Variants in BMS1 observed in about 807,000 individuals in gnomAD.
The protein encoded by BMS1 is BMS1 ribosome biogenesis factor.
A neutral mutation model predicts 138.7 loss-of-function variants in BMS1; 53 were observed. The ratio of observed to expected loss-of-function variants is 0.38; its 90% confidence interval spans 0.31 to 0.48. The LOEUF (loss-of-function observed/expected upper bound fraction) is 0.48, where lower values mean the gene tolerates loss of function less well. BMS1 is among the 20% of genes least tolerant of loss of function. The probability of loss-of-function intolerance (pLI) is 0.97; values close to 1 mark genes in which losing one functional copy is unlikely to be tolerated. For synonymous variants in BMS1, 504 were observed against 539.9 expected, an observed-to-expected ratio of 0.93 and a Z score of 0.92; for missense variants, 1,360 against 1,565.5, an observed-to-expected ratio of 0.87 and a Z score of 2.22.
Position 42,797,219 on chromosome 10 carries a change from A to G in BMS1, c.1975A>G (p.Lys659Glu). The G allele has an allele frequency of 6.2e-7, 1 of 1,603,524 alleles. No homozygotes were observed. Among genetic ancestry groups the G allele is most frequent in the Non-Finnish European group, 8.5e-7 (1 of 1,175,434 alleles). ...EDYKEENNDS[K>E]ETSGALKWKE... ...TTACAAGGAAGAAAATAATGATTCC[A>G]AAGAAACGTCAGGTAAGCTTAAATG... The change falls in exon 10 of 23, where the codon AAA becomes GAA. Residue 659 changes from lysine to glutamate, a missense_variant. Lys to Glu is a moderately conservative substitution (Grantham distance 56). This residue lies in a region of BMS1 where 697 missense variants were observed against 686.2 expected (regional missense o/e 1.02). Transcript: ENST00000374518.
At chr10:42,814,614 T>C (rs7895230) in intron 13 of BMS1, among the ~76,000 whole-genome samples, 2 of 152,106 alleles carry the variant, frequency 1.3e-5, no homozygotes, top group African/African-American at 4.8e-5. Context: ...TCCTCCTATT[T>C]GGGTTTAGTC....
At position 42,785,657 on chromosome 10, in the gene BMS1, G is replaced by C; in HGVS notation, c.352G>C (p.Val118Leu). 6.2e-7 allele frequency: 1 copy of C among 1,613,790 alleles called. No homozygotes were observed. The highest frequency in any genetic ancestry group is 2.2e-5 in the East Asian group (1 of 44,876). ...GAAGTTGACTGAGATCAGAGGCCCT[G>C]TGACGATTGTGTCAGGTAGGAGATG... Reference protein sequence around the residue: ...RQKLTEIRGPVTIVSGKKRRL... With the variant: ...RQKLTEIRGPLTIVSGKKRRL... Residue 118 changes from valine to leucine, a missense_variant, in exon 3 of 23, where the codon GTG becomes CTG. This residue lies in a region of BMS1 where 238 missense variants were observed against 311.1 expected (regional missense o/e 0.77). Transcript: ENST00000374518.
Position 42,796,674 on chromosome 10 carries a change from A to G in BMS1, c.1430A>G (p.Tyr477Cys). 1.9e-6 allele frequency: 3 copies of G among 1,614,222 alleles called. No homozygotes were observed. Among genetic ancestry groups the G allele is most frequent in the Non-Finnish European group, 1.7e-6 (2 of 1,180,046 alleles). Residue 477 changes from tyrosine (Y) to cysteine (C), a missense_variant, in exon 10 of 23, where the codon TAT becomes TGT. Physicochemically the swap from Tyr to Cys is radical, Grantham distance 194 (BLOSUM62 -2). Transcript: ENST00000374518. The stretch of plus-strand genomic sequence containing the variant: ...GAAAATGCTGAGATGACTGATCAGT[A>G]TATGGCTGTTAAGGGCATCAAACGA... ...EEENAEMTDQ[Y>C]MAVKGIKRRK...
rs1841588857 is a variant in BMS1, at chr10:42,793,835, C to T, written c.1090-17C>T. On this transcript the variant is annotated splice_polypyrimidine_tract_variant and intron_variant, in intron 8 of 22. Coordinates refer to ENST00000374518, the MANE Select transcript of BMS1 (RefSeq NM_014753.4). ...TTTGTGCTTTCCTCACGTGCCCTTT[C>T]TTGGTGGTCTTGACAGGATGAAGTG... The T allele has an allele frequency of 6.2e-7, 1 of 1,600,240 alleles. No homozygotes were observed. Among genetic ancestry groups the T allele is most frequent in the African/African-American group, 1.4e-5 (1 of 73,812 alleles).
chr10:42,814,700 G>C (rs1173705679), intron 13 of BMS1, among the ~76,000 whole-genome samples: 2 of 152,102 alleles, frequency 1.3e-5, no homozygotes, highest in East Asian at 3.9e-4. Context: ...TGTTATTTTG[G>C]TCTGTTTGGC....
At chr10:42,827,212 C>T (rs1461570224) in intron 21 of BMS1, among the ~76,000 whole-genome samples, 1 of 152,148 alleles carries the variant, frequency 6.6e-6, no homozygotes, top group Non-Finnish European at 1.5e-5. Flanking sequence ...TCCACTTTCC[C>T]CATGAGGTGA....
chr10:42,829,833 C>G (rs1471706784), intron 21 of BMS1, among the ~76,000 whole-genome samples: 1 of 122,944 alleles, frequency 8.1e-6, no homozygotes, highest in African/African-American at 3.6e-5. Flanking sequence ...AAAAACAAAA[C>G]AAAACAAAAA....
At chr10:42,794,583 CT>C (rs761338546) in intron 9 of BMS1, among the ~76,000 whole-genome samples, 51 of 150,584 alleles carry the variant, frequency 3.4e-4, no homozygotes, top group Middle Eastern at 3.4e-3. Context: ...TGTGCATAAA[CT>C]ACCTAGCAGA....
Position 42,833,339 on chromosome 10 carries a change from C to A in BMS1, c.*2243C>A, listed in dbSNP as rs746787178. ...GTAGAATTTTTATTGGTGAAGGTTC[C>A]ACCTGGCCAGGTTAGTAAAATACAG... On this transcript the variant is annotated 3_prime_UTR_variant, in exon 23 of 23. Transcript: ENST00000374518. 3 of 152,174 alleles carry A rather than the reference C, an allele frequency of 2.0e-5. No individual in the cohort carries two copies. The highest frequency in any genetic ancestry group is 4.4e-5 in the Non-Finnish European group (3 of 68,034). The allele number at this position is 152,174 out of a possible 1,614,324, so 9.4% of individuals were successfully genotyped here. A position where few individuals can be genotyped will look rare whatever the true frequency, so the allele number is the denominator to read the frequency against.
chr10:42,809,952 A>AT lies in BMS1; in HGVS notation c.2330-6625dup, dbSNP rs34656411. On this transcript the variant is annotated intron_variant, in intron 13 of 22. Transcript: ENST00000374518. ...AAGTGTGTGCTATCATGTCTGGCTA[A>AT]TTTTTTTTTTTTTTTTTTTTTTGTA... Among the ~76,000 whole-genome samples the AT allele has an allele frequency of 6.2e-3, 707 of 113,982 alleles. 14 individuals carry two copies. The highest frequency in any genetic ancestry group is 0.021 in the South Asian group (69 of 3,228). 74.8% of individuals were successfully genotyped at this position (113,982 alleles called of 152,430 possible).
At chr10:42,803,502 T>C (rs1218626983) in intron 13 of BMS1, among the ~76,000 whole-genome samples, 1 of 152,066 alleles carries the variant, frequency 6.6e-6, no homozygotes, top group Non-Finnish European at 1.5e-5. Flanking sequence ...CTAGTTAATA[T>C]CACTGATCTC....
rs939907458 is a variant in BMS1 at position 42,831,241 on chromosome 10, G to A, written c.*145G>A. 14 of 867,280 alleles carry A rather than the reference G, an allele frequency of 1.6e-5. No homozygotes were observed. Among genetic ancestry groups the A allele is most frequent in the Non-Finnish European group, 2.3e-5 (13 of 570,412 alleles). 53.7% of individuals were successfully genotyped at this position (867,280 alleles called of 1,614,324 possible). On this transcript the variant is annotated 3_prime_UTR_variant, in exon 23 of 23. Coordinates refer to ENST00000374518, the MANE Select transcript of BMS1 (RefSeq NM_014753.4). Reference sequence around the variant, plus strand: ...AACTGTGCCTGCAGGAGGAGGAACAGAGAAGCCTGGGCTGCTGGGACTGGG... The same window carrying A: ...AACTGTGCCTGCAGGAGGAGGAACAAAGAAGCCTGGGCTGCTGGGACTGGG...
At chr10:42,816,194 G>T (rs1167560775) in intron 13 of BMS1, among the ~76,000 whole-genome samples, 1 of 152,124 alleles carries the variant, frequency 6.6e-6, no homozygotes, top group African/African-American at 2.4e-5. Context: ...AGCTACTCGG[G>T]AGACTGAGGC....
intron 10 of BMS1, 33 bp downstream of exon 10, chr10:42,797,264 A>G: frequency 1.3e-6 from 2 of 1,584,826 alleles, no homozygotes; most frequent in East Asian, 4.5e-5. Flanking sequence ...GCTGCTATGA[A>G]CTTGGCTCTC....
intron 21 of BMS1, among the ~76,000 whole-genome samples, chr10:42,827,026 G>C (rs1265548733): frequency 2.6e-5 from 4 of 152,150 alleles, no homozygotes; most frequent in African/African-American, 9.7e-5. Context: ...GTGGGAGGTG[G>C]GGCCTAGTGG....
chr10:42,802,231 C>T lies in BMS1; in HGVS notation c.2329+13C>T. The T allele has an allele frequency of 6.2e-7, 1 of 1,609,990 alleles. No homozygotes were observed. The highest frequency in any genetic ancestry group is 8.5e-7 in the Non-Finnish European group (1 of 1,177,498). ...TTAGCAGAAGATGGTAAGTAAAGAG[C>T]TGGGTTCTTCAGGAAGACTGGCTTC... On this transcript the variant is annotated intron_variant, in intron 13 of 22. Transcript: ENST00000374518.
chr10:42,787,757 C>T (rs1005870086), intron 4 of BMS1, among the ~76,000 whole-genome samples: 26 of 152,248 alleles, frequency 1.7e-4, no homozygotes, highest in African/African-American at 6.3e-4. Context: ...GGTTCCAGAA[C>T]CTTCATCCTT....
intron 13 of BMS1, among the ~76,000 whole-genome samples, chr10:42,810,990 A>AT (rs1280334982): frequency 2.0e-5 from 3 of 150,838 alleles, no homozygotes; most frequent in Admixed American, 1.3e-4. Context: ...TGTTTCATTG[A>AT]TTTTCTCTGT....
intron 16 of BMS1, 35 bp downstream of exon 16, chr10:42,820,459 C>G (rs375971252): frequency 1.2e-6 from 2 of 1,611,560 alleles, no homozygotes; most frequent in African/African-American, 2.7e-5. Context: ...GTGCCTGAGG[C>G]TCTGTGGATT....
Sources: allele counts gnomAD v4.1 joint callset (sites outside exome capture counted in the v4.1 genomes callset), GRCh38; gene constraint gnomAD v4.1.1; regional missense constraint gnomAD v4.1.1; transcripts MANE v1.5; gene names NCBI Gene and HGNC (gene_info 2026-07-23, HGNC 2026-07-21).